The following ZSWIM6 variants were observed in gnomAD, a reference collection of about 807,000 sequenced individuals.
ZSWIM6 encodes zinc finger SWIM domain-containing protein 6.
ZSWIM6 carries 9 observed loss-of-function variants against 113.2 expected under a neutral mutation model. The observed-to-expected ratio is 0.08, with a 90% confidence interval of 0.05 to 0.14. The LOEUF (loss-of-function observed/expected upper bound fraction) is 0.14, where lower values mean the gene tolerates loss of function less well. Ranked by LOEUF, ZSWIM6 falls within the 10% of genes least tolerant of loss-of-function variation. The probability of loss-of-function intolerance (pLI) is 1.00; values close to 1 mark genes in which losing one functional copy is unlikely to be tolerated. For missense variants in ZSWIM6, 1,162 were observed against 1,552.2 expected, an observed-to-expected ratio of 0.75 and a Z score of 4.22; for synonymous variants, 611 against 606.5, an observed-to-expected ratio of 1.01 and a Z score of -0.11.
chr5:61,359,743 G>A (rs981084866), intron 1 of ZSWIM6, among the ~76,000 whole-genome samples: 2 of 151,988 alleles, frequency 1.3e-5, no homozygotes, highest in African/African-American at 4.8e-5. Context: ...TAGGGGCCAG[G>A]TAGTGATCTA....
intron 1 of ZSWIM6, among the ~76,000 whole-genome samples, chr5:61,352,257 C>T (rs944528605): frequency 2.6e-5 from 4 of 152,222 alleles, no homozygotes; most frequent in African/African-American, 7.2e-5. Flanking sequence ...GAATCCTAAT[C>T]ATAGTTTTTT....
chr5:61,398,654 C>T lies in ZSWIM6; in HGVS notation c.676+65706C>T, dbSNP rs1233469803. 4.6e-5 allele frequency among the ~76,000 whole-genome samples: 7 copies of T among 152,240 alleles called. No homozygotes were observed. The South Asian group carries it at 8.3e-4, about 18-fold the overall frequency. ...TAAAATTCAATAAAATATTTATCAA[C>T]GTGCTTAAAAAATGCATAGCACAGT... On this transcript the variant is annotated intron_variant, in intron 1 of 13. Transcript: ENST00000252744.
At chr5:61,392,420 A>C (rs923646840) in intron 1 of ZSWIM6, among the ~76,000 whole-genome samples, 1 of 152,228 alleles carries the variant, frequency 6.6e-6, no homozygotes, top group Non-Finnish European at 1.5e-5. Flanking sequence ...TAGGGAATTC[A>C]GACAACACAG....
intron 4 of ZSWIM6, among the ~76,000 whole-genome samples, chr5:61,496,020 G>A (rs1748305010): frequency 6.6e-6 from 1 of 152,102 alleles, no homozygotes; most frequent in Non-Finnish European, 1.5e-5. Context: ...AATAAAATTT[G>A]CAGTGTTCAC....
In ZSWIM6 at chr5:61,539,680, A is replaced by G; in HGVS notation, c.2624A>G (p.Asp875Gly). 1 of 1,551,932 alleles carries G rather than the reference A, an allele frequency of 6.4e-7. No individual in the cohort carries two copies. The highest frequency in any genetic ancestry group is 8.7e-7 in the Non-Finnish European group (1 of 1,147,046). ...SSSHIFKLAQ[D>G]AFKIATLMDS... ...TCACACATCTTCAAGCTTGCCCAAG[A>G]TGCATTTAAAATAGCAACTCTCATG... Residue 875 changes from aspartate to glycine, a missense_variant, in exon 12 of 14, where the codon GAT becomes GGT. Physicochemically the swap from Asp to Gly is moderately conservative, Grantham distance 94. Transcript: ENST00000252744.
chr5:61,380,212 A>G (rs1745447256), intron 1 of ZSWIM6, among the ~76,000 whole-genome samples: 1 of 152,080 alleles, frequency 6.6e-6, no homozygotes, highest in African/African-American at 2.4e-5. Flanking sequence ...AGTAGCTGGG[A>G]TTACAGGCAC....
chr5:61,389,399 C>A (rs1344027512), intron 1 of ZSWIM6, among the ~76,000 whole-genome samples: 2 of 151,324 alleles, frequency 1.3e-5, no homozygotes, highest in East Asian at 3.9e-4. Context: ...ATTAAAAATA[C>A]AAAAAATTAG....
At chr5:61,441,517 C>T (rs956827488) in intron 1 of ZSWIM6, among the ~76,000 whole-genome samples, 6 of 152,106 alleles carry the variant, frequency 3.9e-5, no homozygotes, top group African/African-American at 1.4e-4. Flanking sequence ...TTGAATATTA[C>T]TATCAGAAAT....
intron 5 of ZSWIM6, among the ~76,000 whole-genome samples, chr5:61,523,706 A>T (rs1195253478): frequency 6.6e-6 from 1 of 152,212 alleles, no homozygotes; most frequent in Non-Finnish European, 1.5e-5. Flanking sequence ...CCAAATTTTT[A>T]ATTGTATATC....
chr5:61,415,540 C>T (rs947755311), intron 1 of ZSWIM6, among the ~76,000 whole-genome samples: 3 of 150,658 alleles, frequency 2.0e-5, no homozygotes, highest in African/African-American at 4.9e-5. Flanking sequence ...TGCAGTGAGC[C>T]GAGATCACGC....
chr5:61,335,856 A>G (rs1356893273), intron 1 of ZSWIM6, among the ~76,000 whole-genome samples: 1 of 152,262 alleles, frequency 6.6e-6, no homozygotes, highest in Non-Finnish European at 1.5e-5. Context: ...TTTAAGGGAA[A>G]AAAATAAACC....
rs1473457246 is a variant in ZSWIM6 at position 61,525,849 on chromosome 5, A to G, written c.1563A>G (p.Ala521=). 6.4e-7 allele frequency: 1 copy of G among 1,551,890 alleles called. No individual in the cohort carries two copies. The highest frequency in any genetic ancestry group is 8.7e-7 in the Non-Finnish European group (1 of 1,147,012). The stretch of plus-strand genomic sequence containing the variant: ...CAGTGTTCACCCGAGCCATCGAGGC[A>G]TGCGATCTCCACTGGCAGGATAGCC... ...HRTVFTRAIE[A]CDLHWQDSHL... is the part of the protein sequence containing the mutation. Residue 521 remains alanine (A), a synonymous_variant, in exon 6 of 14, where the codon GCA becomes GCG. Transcript: ENST00000252744.
In ZSWIM6 at chr5:61,361,381, T is replaced by C. The variant is rs113820230; in HGVS notation, c.676+28433T>C. Among the ~76,000 whole-genome samples, 29 of 152,344 alleles carry C rather than the reference T, an allele frequency of 1.9e-4. 2 individuals are homozygous for C. Among genetic ancestry groups the C allele is most frequent in the African/African-American group, 7.0e-4 (29 of 41,590 alleles). On this transcript the variant is annotated intron_variant, in intron 1 of 13. Coordinates refer to ENST00000252744, the MANE Select transcript of ZSWIM6 (RefSeq NM_020928.2). ...ACCTGGAAAAATCTCCAGTTTCTTA[T>C]CTGTTAAATGAGGAAACTTGGCAAG...
chr5:61,377,027 T>TA (rs35288340), intron 1 of ZSWIM6, among the ~76,000 whole-genome samples: 88,027 of 150,258 alleles, frequency 0.59, 28,221 homozygotes, highest in African/African-American at 0.86. Context: ...ATGTAATGTT[T>TA]AAAAAAAAAA....
chr5:61,515,146 T>A (rs1181696924), intron 4 of ZSWIM6, among the ~76,000 whole-genome samples: 2 of 152,176 alleles, frequency 1.3e-5, no homozygotes, highest in Non-Finnish European at 2.9e-5. Context: ...GAGCATGAAG[T>A]TGTCCAGAGT....
intron 1 of ZSWIM6, among the ~76,000 whole-genome samples, chr5:61,354,715 TCATA>T (rs1203062828): frequency 6.6e-6 from 1 of 152,212 alleles, no homozygotes; most frequent in Non-Finnish European, 1.5e-5. Context: ...TAATTTAAAT[TCATA>T]CATCACTTGA....
chr5:61,338,609 C>A (rs557356948), intron 1 of ZSWIM6, among the ~76,000 whole-genome samples: 24 of 152,138 alleles, frequency 1.6e-4, no homozygotes, highest in Non-Finnish European at 2.5e-4. Flanking sequence ...AATTTGTTAT[C>A]ATACTTAGTT....
intron 1 of ZSWIM6, among the ~76,000 whole-genome samples, chr5:61,354,558 G>A (rs1334230234): frequency 6.6e-6 from 1 of 152,174 alleles, no homozygotes; most frequent in African/African-American, 2.4e-5. Context: ...AGACACACAA[G>A]TACATTTTTG....
At chr5:61,398,629 T>C (rs2112100274) in intron 1 of ZSWIM6, among the ~76,000 whole-genome samples, 1 of 152,298 alleles carries the variant, frequency 6.6e-6, no homozygotes, top group East Asian at 1.9e-4. Flanking sequence ...TCCTTATCTG[T>C]AAAATTCAAT....
Sources: gnomAD v4.1 joint callset for allele counts (sites outside exome capture counted in the v4.1 genomes callset) on GRCh38, gnomAD v4.1.1 for gene constraint, MANE v1.5 for transcripts, NCBI Gene and HGNC (gene_info 2026-07-23, HGNC 2026-07-21) for gene names.